The following RAD23B variants were observed in gnomAD, a reference collection of about 807,000 sequenced individuals.
RAD23B encodes lysine-specific demethylase RAD23B.
A neutral mutation model predicts 49.1 loss-of-function variants in RAD23B; 5 were observed. The observed-to-expected ratio is 0.10, with a 90% CI of 0.05 to 0.21. RAD23B has a LOEUF of 0.21. Ranked by LOEUF, RAD23B falls within the 10% of genes least tolerant of loss-of-function variation. The pLI is 1.00. For synonymous variants in RAD23B, 184 were observed against 165.4 expected, an observed-to-expected ratio of 1.11 and a Z score of -0.86; for missense variants, 356 against 486.7, an observed-to-expected ratio of 0.73 and a Z score of 2.53.
intron 1 of RAD23B, chr9:107,284,887 G>C (rs905429262): frequency 1.8e-5 from 23 of 1,267,984 alleles, no homozygotes; most frequent in Middle Eastern, 2.1e-4. Flanking sequence ...GATAATACCT[G>C]CCTTGCAGAG....
At chr9:107,284,633 T>C (rs1181020463) in intron 1 of RAD23B, 7 of 822,712 alleles carry the variant, frequency 8.5e-6, no homozygotes, top group Admixed American at 4.7e-5. Context: ...ATGCCAAGAA[T>C]CTAAAAACGC....
At chr9:107,326,910 A>AT (rs1164908143) in intron 9 of RAD23B, among the ~76,000 whole-genome samples, 2 of 152,030 alleles carry the variant, frequency 1.3e-5, no homozygotes, top group Non-Finnish European at 2.9e-5. Context: ...AAGTGCTGGG[A>AT]TTACAGGCGT....
chr9:107,287,232 A>C (rs1833288874), intron 1 of RAD23B, among the ~76,000 whole-genome samples: 1 of 69,628 alleles, frequency 1.4e-5, no homozygotes, highest in African/African-American at 8.7e-5. Context: ...AAACCTTTTG[A>C]GATAAAAAAA....
At chr9:107,302,211 C>A in intron 3 of RAD23B, 97 bp downstream of exon 3, 1 of 1,526,308 alleles carries the variant, frequency 6.6e-7, no homozygotes, top group Non-Finnish European at 8.8e-7. Flanking sequence ...TATACACATC[C>A]ATAGTGGTGT....
chr9:107,301,533 T>G (rs1826653279), intron 2 of RAD23B, among the ~76,000 whole-genome samples: 1 of 152,142 alleles, frequency 6.6e-6, no homozygotes, highest in Non-Finnish European at 1.5e-5. Flanking sequence ...GTCAAATGCT[T>G]ATGCTTTTTA....
In RAD23B at chr9:107,318,417, A is replaced by G. The variant is rs181937540; in HGVS notation, c.554-335A>G. On this transcript the variant is annotated intron_variant, in intron 5 of 9. Transcript: ENST00000358015. The surrounding 1 kb of genome is among the most constrained non-coding windows in gnomAD (Gnocchi z 4.3). ...CTGACCCTCTCATCTGCCTCCTCCT[A>G]CTACTATTAAGGATTCATGTCATTA... Among the ~76,000 whole-genome samples, 1 of 152,038 alleles carries G rather than the reference A, an allele frequency of 6.6e-6. No individual in the cohort carries two copies. The highest frequency in any genetic ancestry group is 1.5e-5 in the Non-Finnish European group (1 of 68,010).
rs565955964 is a variant in RAD23B at position 107,311,373 on chromosome 9, ATAAT to A, written c.498-307_498-304del. On this transcript the variant is annotated intron_variant, in intron 4 of 9. Coordinates refer to ENST00000358015, the MANE Select transcript of RAD23B (RefSeq NM_002874.5). ...TTCTCATGTAAATTATTTCAGGTAA[ATAAT>A]TGTGCATTATCTTTTTTGTATTCAA... Among the ~76,000 whole-genome samples, 306 of 152,258 alleles carry A rather than the reference ATAAT, an allele frequency of 2.0e-3. 1 individual carries two copies. Among genetic ancestry groups the A allele is most frequent in the Non-Finnish European group, 2.9e-3 (195 of 68,006 alleles).
In RAD23B at chr9:107,330,557, A is replaced by G. The variant is rs549001234; in HGVS notation, c.*901A>G. ...GTCTTTTCCCCTTCCCTCAGCAGAA[A>G]CGTGTTTATCAGCAAGTCGTGAGTC... On this transcript the variant is annotated 3_prime_UTR_variant, in exon 10 of 10. Transcript: ENST00000358015. This position sits in a 1 kb window ranked among gnomAD's most constrained non-coding sequence, Gnocchi z 4.4. 1.3e-4 allele frequency: 20 copies of G among 152,748 alleles called. No individual in the cohort carries two copies. The highest frequency in any genetic ancestry group is 4.6e-4 in the African/African-American group (19 of 41,568). The allele number at this position is 152,748 out of a possible 1,614,324, so 9.5% of individuals were successfully genotyped here.
chr9:107,292,676 C>CAAAA (rs3056493), intron 1 of RAD23B, among the ~76,000 whole-genome samples: 2 of 82,756 alleles, frequency 2.4e-5, no homozygotes, highest in African/African-American at 4.7e-5. Flanking sequence ...GAGACTCTGT[C>CAAAA]AAAAAAAAAA....
chr9:107,322,404 C>T (rs1827128302), intron 7 of RAD23B, among the ~76,000 whole-genome samples: 1 of 152,216 alleles, frequency 6.6e-6, no homozygotes, highest in Non-Finnish European at 1.5e-5. Context: ...TTTAGTGTTA[C>T]TTTCTGATGC....
chr9:107,304,246 G>A (rs1049665500), intron 3 of RAD23B, among the ~76,000 whole-genome samples: 1 of 152,152 alleles, frequency 6.6e-6, no homozygotes, highest in African/African-American at 2.4e-5. Flanking sequence ...TTGAAGGGAA[G>A]TTACATTGCA....
chr9:107,283,695 G>A lies in RAD23B; in HGVS notation c.66G>A (p.Thr22=), dbSNP rs1430565752. 1 of 1,467,026 alleles carries A rather than the reference G, an allele frequency of 6.8e-7. No homozygotes were observed. Among genetic ancestry groups the A allele is most frequent in the Non-Finnish European group, 9.0e-7 (1 of 1,105,446 alleles). The allele number at this position is 1,467,026 out of a possible 1,614,324, so 90.9% of individuals were successfully genotyped here. The change falls in exon 1 of 10, where the codon ACG becomes ACA. Residue 22 remains threonine, a splice_region_variant and synonymous_variant. Transcript: ENST00000358015. ...AGATAGACATTGACCCCGAGGAGAC[G>A]GTATGCGCGCGGGCCGGGGGCAGGG... ...TFKIDIDPEE[T]VKALKEKIES...
intron 1 of RAD23B, among the ~76,000 whole-genome samples, chr9:107,296,552 C>T (rs1259742054): frequency 6.6e-6 from 1 of 151,304 alleles, no homozygotes; most frequent in African/African-American, 2.5e-5. Flanking sequence ...CAGTTTTGTG[C>T]CTTGTCTCTC....
intron 5 of RAD23B, among the ~76,000 whole-genome samples, chr9:107,313,676 C>T (rs1250963553): frequency 6.6e-6 from 1 of 152,188 alleles, no homozygotes; most frequent in African/African-American, 2.4e-5. Context: ...ACAGATCTCC[C>T]TCTGAACTCC....
intron 4 of RAD23B, among the ~76,000 whole-genome samples, chr9:107,309,271 C>T (rs558315571): frequency 6.6e-6 from 1 of 152,204 alleles, no homozygotes; most frequent in South Asian, 2.1e-4. Context: ...TTGGGATTCT[C>T]GGACTTTGTA....
intron 1 of RAD23B, 81 bp downstream of exon 1, chr9:107,283,776 C>T (rs1833208716): frequency 8.0e-7 from 1 of 1,244,450 alleles, no homozygotes; most frequent in Non-Finnish European, 1.0e-6. Flanking sequence ...GGGCGGCGCG[C>T]TCCAGCGGGG....
In RAD23B at chr9:107,323,840, T is replaced by C. The variant is rs751494504; in HGVS notation, c.818-50T>C. On this transcript the variant is annotated intron_variant, in intron 7 of 9. Coordinates refer to ENST00000358015, the MANE Select transcript of RAD23B (RefSeq NM_002874.5). ...TCTAAATGTATTATTTAACCACTGT[T>C]TGTGTATGTATTTACTGCTTTTGTT... is the stretch of plus-strand genomic sequence containing the variant. The C allele has an allele frequency of 4.7e-6, 7 of 1,504,990 alleles. No homozygotes were observed. In the South Asian group the frequency reaches 7.9e-5, roughly 17 times the overall value. The allele number at this position is 1,504,990 out of a possible 1,614,324, so 93.2% of individuals were successfully genotyped here. A position where few individuals can be genotyped will look rare whatever the true frequency, so the allele number is the denominator to read the frequency against.
At chr9:107,317,574 T>TA (rs1414200246) in intron 5 of RAD23B, among the ~76,000 whole-genome samples, 1 of 151,922 alleles carries the variant, frequency 6.6e-6, no homozygotes, top group Non-Finnish European at 1.5e-5. Context: ...GTTTTTGTTT[T>TA]AGAGTGAAAT....
chr9:107,316,776 G>A (rs1281711627), intron 5 of RAD23B, among the ~76,000 whole-genome samples: 1 of 150,982 alleles, frequency 6.6e-6, no homozygotes, highest in Non-Finnish European at 1.5e-5. Context: ...TTCCTGCACA[G>A]TCAAACTTGC....
Sources: allele counts gnomAD v4.1 joint callset (sites outside exome capture counted in the v4.1 genomes callset), GRCh38; gene constraint gnomAD v4.1.1; non-coding constraint Gnocchi (gnomAD v3.1); transcripts MANE v1.5; gene names NCBI Gene and HGNC (gene_info 2026-07-23, HGNC 2026-07-21).